Variants in RGS6 observed in about 807,000 individuals in gnomAD.
RGS6 encodes regulator of G-protein signaling 6.
A neutral mutation model predicts 78.5 loss-of-function variants in RGS6; 30 were observed. The ratio of observed to expected loss-of-function variants is 0.38; its 90% CI spans 0.29 to 0.52. The LOEUF is 0.52. Among genes scored for constraint, RGS6 ranks in the 20% least tolerant of loss-of-function variants. The probability of loss-of-function intolerance (pLI) is 0.85; values close to 1 mark genes in which losing one functional copy is unlikely to be tolerated. For synonymous variants in RGS6, 206 were observed against 206.0 expected, an observed-to-expected ratio of 1.00 and a Z score of 0.00; for missense variants, 495 against 609.7, an observed-to-expected ratio of 0.81 and a Z score of 1.98.
chr14:72,339,871 C>A (rs1371935835), intron 2 of RGS6, among the ~76,000 whole-genome samples: 2 of 152,064 alleles, frequency 1.3e-5, no homozygotes, highest in Non-Finnish European at 2.9e-5. Context: ...CCTGGGACCC[C>A]CTGTGAGGTT....
chr14:72,337,517 G>T (rs1438225917), intron 2 of RGS6, among the ~76,000 whole-genome samples: 4 of 152,040 alleles, frequency 2.6e-5, no homozygotes, highest in Non-Finnish European at 5.9e-5. Flanking sequence ...TGATGACCAG[G>T]TAGGGTAGAC....
At chr14:72,027,123 T>TTG (rs907016535) in intron 2 of RGS6, among the ~76,000 whole-genome samples, 1 of 152,006 alleles carries the variant, frequency 6.6e-6, no homozygotes, top group Non-Finnish European at 1.5e-5. Context: ...CTTCAGGGCC[T>TTG]TGTGGGTCAT....
At chr14:72,227,075 T>G (rs569273237) in intron 2 of RGS6, among the ~76,000 whole-genome samples, 5 of 152,324 alleles carry the variant, frequency 3.3e-5, no homozygotes, top group Admixed American at 1.3e-4. Flanking sequence ...CGACATTTCT[T>G]TCAAAGAACT....
At chr14:72,327,045 G>A (rs988848511) in intron 2 of RGS6, among the ~76,000 whole-genome samples, 7 of 152,248 alleles carry the variant, frequency 4.6e-5, no homozygotes, top group Non-Finnish European at 8.8e-5. Flanking sequence ...GGCCTAACAC[G>A]TATACATTAG....
chr14:72,349,031 T>C (rs556897674), intron 2 of RGS6, among the ~76,000 whole-genome samples: 9 of 152,102 alleles, frequency 5.9e-5, no homozygotes, highest in Admixed American at 4.6e-4. Context: ...CCAGGCGTGG[T>C]GGCAGGCGCC....
intron 2 of RGS6, among the ~76,000 whole-genome samples, chr14:72,305,955 GT>G (rs1309393264): frequency 6.6e-5 from 10 of 152,326 alleles, no homozygotes; most frequent in Admixed American, 4.6e-4. Flanking sequence ...TGCTACTCCA[GT>G]GAAAACAGGA....
intron 2 of RGS6, among the ~76,000 whole-genome samples, chr14:72,158,409 A>G (rs2153655149): frequency 6.6e-6 from 1 of 152,346 alleles, no homozygotes; most frequent in East Asian, 1.9e-4. Flanking sequence ...AGATGGTCAT[A>G]TGTGAGATAC....
intron 3 of RGS6, among the ~76,000 whole-genome samples, chr14:72,447,666 C>T (rs749567981): frequency 5.9e-5 from 9 of 152,110 alleles, no homozygotes; most frequent in Non-Finnish European, 1.2e-4. Context: ...GTTCATTACC[C>T]CTCACAGTCA....
chr14:71,957,968 A>G (rs1174784158), intron 1 of RGS6, among the ~76,000 whole-genome samples: 1 of 151,742 alleles, frequency 6.6e-6, no homozygotes, highest in Non-Finnish European at 1.5e-5. Context: ...GGGTCTTGCT[A>G]TGTTGCCCAG....
In RGS6 at chr14:72,206,605, A is replaced by G. The variant is rs563736322; in HGVS notation, c.85-145490A>G. Among the ~76,000 whole-genome samples, 921 of 152,212 alleles carry G rather than the reference A, an allele frequency of 6.1e-3. 4 individuals carry two copies. The highest frequency in any genetic ancestry group is 0.011 in the Non-Finnish European group (761 of 67,988). ...GAGGCCTCACAGTCATGGCGGGAGG[A>G]AAGGAGGAGCAAGTCACTTCTTACA... On this transcript the variant is annotated intron_variant, in intron 2 of 17. Coordinates refer to ENST00000553525, the MANE Select transcript of RGS6 (RefSeq NM_001204424.2).
chr14:72,590,489 A>G, the RGS6 span, among the ~76,000 whole-genome samples: 2 of 152,056 alleles, frequency 1.3e-5, no homozygotes, highest in Admixed American at 1.3e-4. Context: ...AAGAATCTCA[A>G]AAACGTTACA....
chr14:72,165,724 A>G (rs1567357104), intron 2 of RGS6, among the ~76,000 whole-genome samples: 2 of 152,210 alleles, frequency 1.3e-5, no homozygotes. Flanking sequence ...AGACCAGGCA[A>G]CCAAACACTA....
intron 15 of RGS6, among the ~76,000 whole-genome samples, chr14:72,519,814 C>T (rs1223016260): frequency 1.3e-5 from 2 of 152,148 alleles, no homozygotes; most frequent in Admixed American, 6.5e-5. Context: ...CGTGGGGGTT[C>T]CCTGCATGAA....
chr14:71,871,196 C>G, the RGS6 span, among the ~76,000 whole-genome samples: 1 of 151,986 alleles, frequency 6.6e-6, no homozygotes, highest in African/African-American at 2.4e-5. Flanking sequence ...TTGGTGAGTT[C>G]AGGGTAGTTT....
chr14:71,916,965 T>C, the RGS6 span, among the ~76,000 whole-genome samples: 1 of 152,008 alleles, frequency 6.6e-6, no homozygotes, highest in African/African-American at 2.4e-5. Flanking sequence ...ATTAAGGAAA[T>C]AGAATTCCCT....
chr14:72,373,638 G>A (rs762095618), intron 3 of RGS6, among the ~76,000 whole-genome samples: 3 of 152,154 alleles, frequency 2.0e-5, no homozygotes, highest in African/African-American at 4.8e-5. Context: ...ATGAGTAGGG[G>A]GAGAAGGCTT....
intron 2 of RGS6, among the ~76,000 whole-genome samples, chr14:72,118,370 A>G (rs1286348660): frequency 6.6e-6 from 1 of 152,012 alleles, no homozygotes; most frequent in Non-Finnish European, 1.5e-5. Context: ...TTACTACCCC[A>G]TGCCTTCATA....
intron 1 of RGS6, among the ~76,000 whole-genome samples, chr14:71,951,458 G>T (rs748771231): frequency 9.5e-4 from 145 of 152,152 alleles, no homozygotes; most frequent in Non-Finnish European, 1.7e-3. Context: ...ATACATGCTG[G>T]GCTTAATACT....
chr14:72,125,776 A>G (rs1256210990), intron 2 of RGS6, among the ~76,000 whole-genome samples: 1 of 152,120 alleles, frequency 6.6e-6, no homozygotes, highest in Non-Finnish European at 1.5e-5. Flanking sequence ...TGTTAGCATG[A>G]TCTGAGGGTG....
Sources: gnomAD v4.1 joint callset for allele counts (sites outside exome capture counted in the v4.1 genomes callset) on GRCh38, gnomAD v4.1.1 for gene constraint, MANE v1.5 for transcripts, NCBI Gene and HGNC (gene_info 2026-07-23, HGNC 2026-07-21) for gene names.